TMEM132C: variants seen among roughly 807,000 people sequenced by gnomAD.
The protein encoded by TMEM132C is protein phosphatase 1, regulatory subunit 152.
TMEM132C carries 29 observed loss-of-function variants against 61.4 expected under a neutral mutation model. That is an observed-to-expected ratio of 0.47 (90% CI 0.35 to 0.64). The LOEUF is 0.64. Ranked by LOEUF, TMEM132C falls within the 30% of genes least tolerant of loss-of-function variation. The pLI is 0.00. For synonymous variants in TMEM132C, 656 were observed against 633.1 expected, an observed-to-expected ratio of 1.04 and a Z score of -0.54; for missense variants, 1,408 against 1,476.9, an observed-to-expected ratio of 0.95 and a Z score of 0.76.
intron 1 of TMEM132C, among the ~76,000 whole-genome samples, chr12:128,303,696 G>T (rs1049730992): frequency 5.9e-5 from 9 of 152,186 alleles, no homozygotes; most frequent in African/African-American, 1.9e-4. Flanking sequence ...CCTCGCTGCT[G>T]CTAGGCTTGA....
intron 5 of TMEM132C, among the ~76,000 whole-genome samples, chr12:128,677,438 C>T (rs1446902797): frequency 4.0e-5 from 6 of 151,662 alleles, no homozygotes; most frequent in East Asian, 1.9e-4. Context: ...AGATGATGGG[C>T]GACATGAATA....
At chr12:128,402,283 G>T (rs1433996329) in intron 1 of TMEM132C, among the ~76,000 whole-genome samples, 1 of 152,026 alleles carries the variant, frequency 6.6e-6, no homozygotes, top group Non-Finnish European at 1.5e-5. Context: ...GGATGTGCAG[G>T]TTTGTTACAT....
chr12:128,551,789 C>T (rs1422090108), intron 3 of TMEM132C, among the ~76,000 whole-genome samples: 2 of 152,128 alleles, frequency 1.3e-5, no homozygotes, highest in African/African-American at 4.8e-5. Flanking sequence ...TTTTCAAAAC[C>T]AGGTGTCCGG....
chr12:128,362,294 G>A lies in TMEM132C; in HGVS notation c.86-52438G>A, dbSNP rs189451740. ...ATCTGGAGATGGGCTGCAGGGGGAC[G>A]GGTGCCTCATCACCCATGAGTTCTT... is the stretch of plus-strand genomic sequence containing the variant. On this transcript the variant is annotated intron_variant, in intron 1 of 8. Coordinates refer to ENST00000435159, the MANE Select transcript of TMEM132C (RefSeq NM_001136103.3). Among the ~76,000 whole-genome samples the A allele has an allele frequency of 1.7e-4, 26 of 152,140 alleles. No individual in the cohort carries two copies. The East Asian group carries it at 5.1e-3, about 30-fold the overall frequency.
At chr12:128,696,962 A>C (rs939778887) in intron 7 of TMEM132C, among the ~76,000 whole-genome samples, 4 of 152,230 alleles carry the variant, frequency 2.6e-5, no homozygotes, top group African/African-American at 9.6e-5. Flanking sequence ...AGGAGGGGTC[A>C]TTCCCTTTTA....
intron 1 of TMEM132C, among the ~76,000 whole-genome samples, chr12:128,318,656 A>G (rs2135932747): frequency 6.6e-6 from 1 of 152,330 alleles, no homozygotes; most frequent in East Asian, 1.9e-4. Flanking sequence ...ATTTTTTACT[A>G]AACTTTAAAT....
intron 2 of TMEM132C, among the ~76,000 whole-genome samples, chr12:128,473,372 T>C (rs1220428735): frequency 4.0e-4 from 29 of 72,840 alleles, no homozygotes; most frequent in South Asian, 1.2e-3. Context: ...GCCTCTATCT[T>C]CATCTTCACT....
intron 4 of TMEM132C, among the ~76,000 whole-genome samples, chr12:128,646,510 G>T (rs536286362): frequency 3.4e-5 from 5 of 145,024 alleles, no homozygotes; most frequent in Admixed American, 3.3e-4. Flanking sequence ...GTTTACTGGA[G>T]TCCATCAGCG....
intron 3 of TMEM132C, among the ~76,000 whole-genome samples, chr12:128,605,355 T>C (rs1392240585): frequency 6.6e-6 from 1 of 152,166 alleles, no homozygotes; most frequent in Admixed American, 6.5e-5. Flanking sequence ...AGGAATTCCC[T>C]CTTACTCTGG....
chr12:128,316,006 TG>T (rs1468901631), intron 1 of TMEM132C, among the ~76,000 whole-genome samples: 1 of 151,868 alleles, frequency 6.6e-6, no homozygotes, highest in Non-Finnish European at 1.5e-5. Flanking sequence ...AATAAATTCC[TG>T]TTGTTCTAAG....
At chr12:128,382,422 C>T (rs1478918833) in intron 1 of TMEM132C, among the ~76,000 whole-genome samples, 1 of 152,188 alleles carries the variant, frequency 6.6e-6, no homozygotes, top group Non-Finnish European at 1.5e-5. Flanking sequence ...GGAATGTCCC[C>T]TGAGCACTTG....
intron 2 of TMEM132C, among the ~76,000 whole-genome samples, chr12:128,425,183 A>G (rs1869138542): frequency 1.3e-5 from 2 of 152,222 alleles, no homozygotes; most frequent in Admixed American, 1.3e-4. Flanking sequence ...AGATCAACAC[A>G]TAATCTAATG....
chr12:128,555,280 G>A (rs1282493729), intron 3 of TMEM132C, among the ~76,000 whole-genome samples: 1 of 152,156 alleles, frequency 6.6e-6, no homozygotes, highest in Non-Finnish European at 1.5e-5. Context: ...GGAGAATTCT[G>A]GAACAGGAAC....
chr12:128,512,005 C>T (rs1164981706), intron 2 of TMEM132C, among the ~76,000 whole-genome samples: 2 of 152,204 alleles, frequency 1.3e-5, no homozygotes, highest in African/African-American at 4.8e-5. Context: ...CCAAGGGCTG[C>T]TGTGTCGGTC....
intron 1 of TMEM132C, among the ~76,000 whole-genome samples, chr12:128,304,206 C>T (rs962989796): frequency 6.6e-6 from 1 of 150,924 alleles, no homozygotes; most frequent in Non-Finnish European, 1.5e-5. Context: ...TTTATTGAGA[C>T]ATCTTATTTT....
chr12:128,280,484 A>G (rs527382693), intron 1 of TMEM132C, among the ~76,000 whole-genome samples: 1 of 152,350 alleles, frequency 6.6e-6, no homozygotes, highest in East Asian at 1.9e-4. Context: ...AATAGTGAAA[A>G]GCATCCTAAT....
At chr12:128,286,076 T>TCTCTCTCC (rs1232599567) in intron 1 of TMEM132C, among the ~76,000 whole-genome samples, 1 of 151,276 alleles carries the variant, frequency 6.6e-6, no homozygotes, top group African/African-American at 2.4e-5. Flanking sequence ...TCTCTCTCTC[T>TCTCTCTCC]CTCTCTCCCC....
chr12:128,671,878 A>G (rs1326220168), intron 5 of TMEM132C, among the ~76,000 whole-genome samples: 1 of 152,084 alleles, frequency 6.6e-6, no homozygotes, highest in African/African-American at 2.4e-5. Flanking sequence ...TTCAATACAG[A>G]GTGCTTTAAC....
intron 2 of TMEM132C, among the ~76,000 whole-genome samples, chr12:128,472,006 G>C (rs1484523077): frequency 6.6e-6 from 1 of 152,188 alleles, no homozygotes; most frequent in Non-Finnish European, 1.5e-5. Flanking sequence ...GCTGGCTGTA[G>C]TCTGGGGGTA....
Sources: gnomAD v4.1 joint callset for allele counts (sites outside exome capture counted in the v4.1 genomes callset) on GRCh38, gnomAD v4.1.1 for gene constraint, MANE v1.5 for transcripts, NCBI Gene and HGNC (gene_info 2026-07-23, HGNC 2026-07-21) for gene names.